MTHFD1L: variants seen among roughly 807,000 people sequenced by gnomAD.
MTHFD1L encodes methylenetetrahydrofolate dehydrogenase (NADP+ dependent) 1 like.
Under a neutral mutation model 119.5 loss-of-function variants are expected in MTHFD1L, and 81 were observed. That is an observed-to-expected ratio of 0.68 (90% CI 0.57 to 0.82). The LOEUF (loss-of-function observed/expected upper bound fraction) is 0.82, where lower values mean the gene tolerates loss of function less well. Ranked by LOEUF, MTHFD1L falls within the 40% of genes least tolerant of loss-of-function variation. The pLI is 0.00. For synonymous variants in MTHFD1L, 430 were observed against 475.2 expected (o/e 0.90, Z 1.24); for missense variants, 1,125 against 1,253.4 (o/e 0.90, Z 1.55).
At chr6:151,072,531 T>C (rs772169673) in intron 26 of MTHFD1L, among the ~76,000 whole-genome samples, 4 of 151,974 alleles carry the variant, frequency 2.6e-5, no homozygotes, top group Admixed American at 6.6e-5. Context: ...GGCTCACACC[T>C]GGAATCCCAG....
chr6:151,077,323 G>C (rs1247816042), intron 26 of MTHFD1L, among the ~76,000 whole-genome samples: 1 of 152,156 alleles, frequency 6.6e-6, no homozygotes, highest in Non-Finnish European at 1.5e-5. Flanking sequence ...AAATAATCTG[G>C]AACCCGAATG....
At chr6:151,029,516 G>C (rs1337345069) in intron 24 of MTHFD1L, among the ~76,000 whole-genome samples, 1 of 151,596 alleles carries the variant, frequency 6.6e-6, no homozygotes, top group Non-Finnish European at 1.5e-5. Flanking sequence ...AACAAATCAG[G>C]CCAGGCACAG....
chr6:150,975,551 G>A lies in MTHFD1L; in HGVS notation c.2125+3493G>A, dbSNP rs1033378153. 2.6e-5 allele frequency among the ~76,000 whole-genome samples: 4 copies of A among 152,052 alleles called. No individual in the cohort carries two copies. In the East Asian group the frequency reaches 5.8e-4, roughly 22 times the overall value. The stretch of plus-strand genomic sequence containing the variant: ...CTGGTCACTTTCAATCATAAGAATA[G>A]CCCCTAAAATTAAAAATGCATATCC... On this transcript the variant is annotated intron_variant, in intron 20 of 27. Transcript: ENST00000367321.
chr6:150,875,014 C>T (rs1445460739), intron 1 of MTHFD1L, among the ~76,000 whole-genome samples: 11 of 151,358 alleles, frequency 7.3e-5, no homozygotes, highest in Admixed American at 7.2e-4. Context: ...TCCCAAAGTG[C>T]TGGGATTACA....
At chr6:151,057,768 C>T (rs1030774766) in intron 26 of MTHFD1L, among the ~76,000 whole-genome samples, 6 of 152,006 alleles carry the variant, frequency 3.9e-5, no homozygotes, top group Non-Finnish European at 5.9e-5. Flanking sequence ...CGAGGAGAGC[C>T]GTATGCATGA....
At chr6:150,868,441 G>A (rs1337140973) in intron 1 of MTHFD1L, among the ~76,000 whole-genome samples, 2 of 151,192 alleles carry the variant, frequency 1.3e-5, no homozygotes, top group Non-Finnish European at 2.9e-5. Context: ...CCGGGTTCAA[G>A]CGATTCCCCT....
At chr6:151,008,392 A>G (rs995366686) in intron 20 of MTHFD1L, among the ~76,000 whole-genome samples, 4 of 152,204 alleles carry the variant, frequency 2.6e-5, no homozygotes, top group African/African-American at 9.6e-5. Flanking sequence ...ACTCAGTAGT[A>G]TTCCCTTCCT....
chr6:151,049,323 C>G (rs1444528729), intron 26 of MTHFD1L, among the ~76,000 whole-genome samples: 2 of 152,132 alleles, frequency 1.3e-5, no homozygotes, highest in African/African-American at 4.8e-5. Context: ...AACCCTGTCT[C>G]TACTAAAAAT....
intron 24 of MTHFD1L, among the ~76,000 whole-genome samples, chr6:151,033,032 C>T (rs1430594689): frequency 6.6e-6 from 1 of 152,132 alleles, no homozygotes; most frequent in Non-Finnish European, 1.5e-5. Context: ...GAGACTTGTG[C>T]CCCTTGGTTG....
At chr6:150,996,509 CCT>C (rs1000737027) in intron 20 of MTHFD1L, among the ~76,000 whole-genome samples, 6 of 152,216 alleles carry the variant, frequency 3.9e-5, no homozygotes, top group East Asian at 1.9e-4. Flanking sequence ...AGAAAAACCC[CCT>C]GTTTAGCCTT....
At position 151,050,929 on chromosome 6, in the gene MTHFD1L, G is replaced by A. The variant is rs543277635; in HGVS notation, c.2847+13812G>A. Among the ~76,000 whole-genome samples the A allele has an allele frequency of 5.9e-5, 9 of 152,138 alleles. No individual in the cohort carries two copies. The South Asian group carries it at 1.9e-3, about 32-fold the overall frequency. On this transcript the variant is annotated intron_variant, in intron 26 of 27. Coordinates refer to ENST00000367321, the MANE Select transcript of MTHFD1L (RefSeq NM_015440.5). ...GGAGTTGGGGTTCACCTCCCTCCTGGCACAAGGATGCCTTCACCAACCCAG... is the reference window on the plus strand; with the variant it reads ...GGAGTTGGGGTTCACCTCCCTCCTGACACAAGGATGCCTTCACCAACCCAG...
intron 8 of MTHFD1L, among the ~76,000 whole-genome samples, chr6:150,912,164 G>A (rs1346444683): frequency 1.3e-5 from 2 of 152,102 alleles, no homozygotes; most frequent in African/African-American, 2.4e-5. Context: ...CCCAACACTG[G>A]GGATTACAAT....
intron 24 of MTHFD1L, among the ~76,000 whole-genome samples, chr6:151,033,136 T>TG (rs1785587018): frequency 6.6e-6 from 1 of 151,748 alleles, no homozygotes; most frequent in Non-Finnish European, 1.5e-5. Flanking sequence ...TTTTTTTTTT[T>TG]GAGACAGAGT....
At chr6:150,915,089 T>C (rs1245582333) in intron 8 of MTHFD1L, among the ~76,000 whole-genome samples, 1 of 152,244 alleles carries the variant, frequency 6.6e-6, no homozygotes, top group Non-Finnish European at 1.5e-5. Flanking sequence ...TTTGTTTTGT[T>C]AATTATATCT....
At chr6:151,000,474 A>T (rs149562797) in intron 20 of MTHFD1L, among the ~76,000 whole-genome samples, 21 of 152,300 alleles carry the variant, frequency 1.4e-4, no homozygotes, top group African/African-American at 4.6e-4. Context: ...AAACAGGGTT[A>T]TATGTTGAAT....
intron 26 of MTHFD1L, among the ~76,000 whole-genome samples, chr6:151,090,095 A>G (rs535822355): frequency 2.0e-5 from 3 of 152,304 alleles, no homozygotes; most frequent in African/African-American, 4.8e-5. Context: ...AGAACCAGCC[A>G]TCATCCATCA....
intron 24 of MTHFD1L, 26 bp downstream of exon 24, chr6:151,015,719 C>T (rs1782950838): frequency 6.2e-6 from 10 of 1,607,830 alleles, no homozygotes; most frequent in Non-Finnish European, 8.5e-6. Context: ...AACAATGGCT[C>T]ACATTTCTTA....
intron 26 of MTHFD1L, among the ~76,000 whole-genome samples, chr6:151,092,107 G>A (rs565247645): frequency 6.6e-6 from 1 of 152,176 alleles, no homozygotes; most frequent in South Asian, 2.1e-4. Flanking sequence ...TATTCACCCT[G>A]CCCACACCTG....
chr6:151,077,329 G>A (rs982845980), intron 26 of MTHFD1L, among the ~76,000 whole-genome samples: 1 of 152,178 alleles, frequency 6.6e-6, no homozygotes, highest in South Asian at 2.1e-4. Context: ...TCTGGAACCC[G>A]AATGGCATCA....
Sources: gnomAD v4.1 joint callset for allele counts (sites outside exome capture counted in the v4.1 genomes callset) on GRCh38, gnomAD v4.1.1 for gene constraint, MANE v1.5 for transcripts, NCBI Gene and HGNC (gene_info 2026-07-23, HGNC 2026-07-21) for gene names.